The following BMX variants were observed in gnomAD, a reference collection of about 807,000 sequenced individuals.
The protein encoded by BMX is BMX non-receptor tyrosine kinase, also known as cytoplasmic tyrosine-protein kinase BMX.
In BMX, 31 loss-of-function variants were observed where a neutral mutation model predicts 59.2. The observed-to-expected ratio is 0.52, with a 90% CI of 0.39 to 0.71. The LOEUF is 0.71. BMX is among the 30% of genes least tolerant of loss of function. The pLI is 0.00. For synonymous variants in BMX, 185 were observed against 181.0 expected, an observed-to-expected ratio of 1.02 and a Z score of -0.18; for missense variants, 474 against 491.7, an observed-to-expected ratio of 0.96 and a Z score of 0.34.
chrX:15,507,395 T>A, intron 1 of BMX: 1 of 749,029 alleles, frequency 1.3e-6, no homozygotes, highest in Non-Finnish European at 1.6e-6. Flanking sequence ...ATACTTCGGC[T>A]CTAGCGAGTC....
At chrX:15,539,005 C>T (rs1253203443) in intron 14 of BMX, among the ~76,000 whole-genome samples, 1 of 111,220 alleles carries the variant, frequency 9.0e-6, no homozygotes, top group Non-Finnish European at 1.9e-5. Flanking sequence ...AGTAATACTT[C>T]GTGATTTTTA....
At chrX:15,533,305 A>G (rs948830751) in intron 11 of BMX, among the ~76,000 whole-genome samples, 2 of 111,456 alleles carry the variant, frequency 1.8e-5, no homozygotes, top group African/African-American at 6.5e-5. Context: ...TACTAAGCCT[A>G]GTGTTCAATA....
chrX:15,526,211 G>A, intron 9 of BMX, 116 bp downstream of exon 9: 1 of 598,125 alleles, frequency 1.7e-6, no homozygotes, highest in Non-Finnish European at 2.5e-6. Context: ...GTATTTACAT[G>A]GGTAAACTCA....
At chrX:15,515,699 G>A (rs1252059126) in intron 4 of BMX, among the ~76,000 whole-genome samples, 3 of 111,418 alleles carry the variant, frequency 2.7e-5, no homozygotes, top group Non-Finnish European at 5.7e-5. Flanking sequence ...AGATGGAAGT[G>A]TATGTTTATT....
At chrX:15,513,305 C>T (rs1393778385) in intron 4 of BMX, among the ~76,000 whole-genome samples, 1 of 112,064 alleles carries the variant, frequency 8.9e-6, no homozygotes, top group African/African-American at 3.2e-5. Context: ...TCCCAGAAGC[C>T]TCCCTGCAAA....
rs188021658 is a variant in BMX, at chrX:15,540,339, C to T, written c.1395-1643C>T. 2.7e-5 allele frequency among the ~76,000 whole-genome samples: 3 copies of T among 109,565 alleles called. No homozygotes were observed. In the Admixed American group the frequency reaches 2.9e-4, roughly 11 times the overall value. Reference sequence around the variant, plus strand: ...AGCAAACTAACACAGGAACAGAAAACCGAACACCGCATGTTCTCACTCATA... The same window carrying T: ...AGCAAACTAACACAGGAACAGAAAATCGAACACCGCATGTTCTCACTCATA... On this transcript the variant is annotated intron_variant, in intron 14 of 18. Transcript: ENST00000348343.
rs750654041 is a variant in BMX at position 15,502,092 on chromosome X, C to A, written c.-10+1152C>A. On this transcript the variant is annotated intron_variant, in intron 1 of 18. Coordinates refer to ENST00000348343, the MANE Select transcript of BMX (RefSeq NM_203281.3). ...TACTAGGGTGTTGGGCATTAGGCTG[C>A]CATTTTCTCTTGACTACTTGTAACC... Among the ~76,000 whole-genome samples the A allele has an allele frequency of 1.1e-4, 12 of 111,669 alleles. No individual in the cohort carries two copies. In the South Asian group the frequency reaches 3.7e-3, roughly 35 times the overall value.
In BMX at chrX:15,511,420, A is replaced by T; in HGVS notation, c.244-17A>T. Reference sequence around the variant, plus strand: ...GGTGCAATTATATATAAACACACCAAATATTTTCCTTTCCAGATTGTCTAT... The same window carrying T: ...GGTGCAATTATATATAAACACACCATATATTTTCCTTTCCAGATTGTCTAT... On this transcript the variant is annotated splice_polypyrimidine_tract_variant and intron_variant, in intron 3 of 18. Transcript: ENST00000348343. The T allele has an allele frequency of 8.5e-7, 1 of 1,178,567 alleles. No individual in the cohort carries two copies. Among genetic ancestry groups the T allele is most frequent in the Non-Finnish European group, 1.1e-6 (1 of 874,039 alleles).
chrX:15,527,131 C>T (rs1279995626), intron 9 of BMX, among the ~76,000 whole-genome samples: 1 of 86,954 alleles, frequency 1.2e-5, no homozygotes, highest in African/African-American at 4.3e-5. Flanking sequence ...TATATACCTG[C>T]TATGGTGAGC....
chrX:15,527,301 CAT>C (rs1924838151), intron 9 of BMX, among the ~76,000 whole-genome samples: 1 of 91,180 alleles, frequency 1.1e-5, no homozygotes, highest in Non-Finnish European at 2.1e-5. Context: ...CACACACACA[CAT>C]ATATATATAC....
intron 10 of BMX, among the ~76,000 whole-genome samples, 177 bp downstream of exon 10, chrX:15,530,204 C>T (rs185684126): frequency 3.3e-4 from 37 of 112,002 alleles, no homozygotes; most frequent in Admixed American, 3.1e-3. Context: ...CTTCTGTGTC[C>T]ATTATGTATT....
At chrX:15,514,578 A>G (rs1924077463) in intron 4 of BMX, among the ~76,000 whole-genome samples, 1 of 112,344 alleles carries the variant, frequency 8.9e-6, no homozygotes, top group South Asian at 3.7e-4. Context: ...AAAGGCACAT[A>G]TAGAACCAGC....
At chrX:15,523,866 A>G (rs1924588570) in intron 7 of BMX, among the ~76,000 whole-genome samples, 1 of 111,916 alleles carries the variant, frequency 8.9e-6, no homozygotes, top group Non-Finnish European at 1.9e-5. Context: ...TTTAGTCCCA[A>G]CTGTGGATTT....
rs749267710 is a variant in BMX, at chrX:15,525,316, A to T, written c.781A>T (p.Ser261Cys). 9.1e-6 allele frequency: 11 copies of T among 1,209,368 alleles called. No homozygotes were observed. In the South Asian group the frequency reaches 1.9e-4, roughly 21 times the overall value. ...SSSSSEDVAS[S>C]NQKERNVNHT... ...CAGCAGCAGTGAAGATGTTGCAAGC[A>T]GTAACCAAAAAGAAAGAAATGTGAA... The change falls in exon 8 of 19, where the codon AGT (serine) becomes TGT (cysteine). Residue 261 changes from serine (S) to cysteine (C), a missense_variant. Ser to Cys is a moderately radical substitution (Grantham distance 112). Coordinates refer to ENST00000348343, the MANE Select transcript of BMX (RefSeq NM_203281.3).
intron 18 of BMX, among the ~76,000 whole-genome samples, chrX:15,553,544 GTA>G (rs745742780): frequency 8.9e-6 from 1 of 111,886 alleles, no homozygotes. Context: ...AGTGTCTAGG[GTA>G]GCGAATCCTG....
chrX:15,501,753 A>G (rs904467418), intron 1 of BMX, among the ~76,000 whole-genome samples: 4 of 111,720 alleles, frequency 3.6e-5, no homozygotes, highest in African/African-American at 1.3e-4. Flanking sequence ...TTTGTAGGAA[A>G]TATGGTGGCA....
chrX:15,544,254 C>T (rs1394345406), intron 16 of BMX, among the ~76,000 whole-genome samples: 2 of 110,513 alleles, frequency 1.8e-5, no homozygotes, highest in South Asian at 3.9e-4. Context: ...CTTTTTGACC[C>T]TTGTGGCACA....
At chrX:15,513,714 G>GA (rs1459931224) in intron 4 of BMX, among the ~76,000 whole-genome samples, 3 of 111,709 alleles carry the variant, frequency 2.7e-5, no homozygotes, top group Non-Finnish European at 5.6e-5. Context: ...ACCAGATGTG[G>GA]AAAAAATGTG....
intron 6 of BMX, among the ~76,000 whole-genome samples, chrX:15,519,352 G>T (rs1354397889): frequency 3.6e-5 from 4 of 112,309 alleles, no homozygotes; most frequent in Non-Finnish European, 3.8e-5. Flanking sequence ...TATTGTAGTA[G>T]ACTGAATAAT....
Sources: gnomAD v4.1 joint callset for allele counts (sites outside exome capture counted in the v4.1 genomes callset) on GRCh38, gnomAD v4.1.1 for gene constraint, MANE v1.5 for transcripts, NCBI Gene and HGNC (gene_info 2026-07-23, HGNC 2026-07-21) for gene names.